Variants in NCKAP5 observed in about 807,000 individuals in gnomAD.
NCKAP5 encodes NCK associated protein 5, also known as nck-associated protein 5.
A neutral mutation model predicts 167.0 loss-of-function variants in NCKAP5; 92 were observed. The ratio of observed to expected loss-of-function variants is 0.55; its 90% confidence interval spans 0.47 to 0.66. The LOEUF (loss-of-function observed/expected upper bound fraction) is 0.66. NCKAP5 is among the 30% of genes least tolerant of loss of function. The pLI, the probability that NCKAP5 is intolerant of heterozygous loss-of-function variation, is 0.00. For synonymous variants in NCKAP5, 891 were observed against 877.4 expected, an observed-to-expected ratio of 1.02 and a Z score of -0.27; for missense variants, 2,378 against 2,315.0, an observed-to-expected ratio of 1.03 and a Z score of -0.56.
chr2:132,747,414 T>G (rs2104761094), intron 16 of NCKAP5, among the ~76,000 whole-genome samples: 2 of 152,308 alleles, frequency 1.3e-5, no homozygotes, highest in South Asian at 4.1e-4. Flanking sequence ...CTTTATCTTT[T>G]CAATAATCGT....
At chr2:132,972,862 CA>C (rs1287407851) in intron 7 of NCKAP5, among the ~76,000 whole-genome samples, 4,514 of 92,800 alleles carry the variant, frequency 0.049, 167 homozygotes, top group African/African-American at 0.14. Context: ...ACTCCATCTC[CA>C]AAAAAAAAAA....
At chr2:133,614,299 G>A in the NCKAP5 span, among the ~76,000 whole-genome samples, 2 of 147,212 alleles carry the variant, frequency 1.4e-5, no homozygotes, top group African/African-American at 4.9e-5. Context: ...GCTGGACGGA[G>A]AATGACTTTG....
At chr2:133,514,651 C>A (rs1683829255) in intron 3 of NCKAP5, among the ~76,000 whole-genome samples, 1 of 151,982 alleles carries the variant, frequency 6.6e-6, no homozygotes. Context: ...GGCCCCCTAA[C>A]TCTCAAAAAT....
At chr2:132,870,649 C>T (rs560342464) in intron 9 of NCKAP5, among the ~76,000 whole-genome samples, 1 of 151,326 alleles carries the variant, frequency 6.6e-6, no homozygotes, top group Admixed American at 6.6e-5. Flanking sequence ...CTGAGGGACA[C>T]TTTTGTGTTA....
chr2:133,000,852 T>G (rs1010850360), intron 6 of NCKAP5, among the ~76,000 whole-genome samples: 1 of 152,162 alleles, frequency 6.6e-6, no homozygotes, highest in Non-Finnish European at 1.5e-5. Context: ...TCACAAACTA[T>G]GCTAAGTTAA....
At chr2:132,837,976 T>A (rs1688019965) in intron 11 of NCKAP5, among the ~76,000 whole-genome samples, 1 of 152,170 alleles carries the variant, frequency 6.6e-6, no homozygotes, top group South Asian at 2.1e-4. Context: ...AGGGGCCCCC[T>A]ACAGGGCAGC....
chr2:132,680,887 C>A (rs1685134455), intron 19 of NCKAP5, among the ~76,000 whole-genome samples: 1 of 152,112 alleles, frequency 6.6e-6, no homozygotes, highest in Admixed American at 6.5e-5. Flanking sequence ...TTTCCAATGC[C>A]CATTTGAAAA....
chr2:133,119,813 G>A (rs1262780501), intron 6 of NCKAP5, among the ~76,000 whole-genome samples: 2 of 151,580 alleles, frequency 1.3e-5, no homozygotes, highest in African/African-American at 4.8e-5. Context: ...TCATAAGCAA[G>A]TTACCTCATT....
intron 3 of NCKAP5, among the ~76,000 whole-genome samples, chr2:133,332,376 C>T (rs1270725882): frequency 6.6e-6 from 1 of 152,128 alleles, no homozygotes; most frequent in Non-Finnish European, 1.5e-5. Flanking sequence ...ATTAGGTTCA[C>T]TACCTCATTT....
chr2:132,794,317 A>T, intron 12 of NCKAP5, among the ~76,000 whole-genome samples: 1 of 52,402 alleles, frequency 1.9e-5, no homozygotes. Flanking sequence ...GGGTGGCGGG[A>T]AGAGAGAGAG....
intron 3 of NCKAP5, among the ~76,000 whole-genome samples, chr2:133,310,678 C>A (rs771109314): frequency 6.6e-6 from 1 of 152,296 alleles, no homozygotes; most frequent in East Asian, 1.9e-4. Flanking sequence ...CATACTCTTT[C>A]GAGTAGGCCA....
At chr2:133,210,982 C>A (rs1468246054) in intron 5 of NCKAP5, among the ~76,000 whole-genome samples, 5 of 149,284 alleles carry the variant, frequency 3.3e-5, no homozygotes, top group Admixed American at 2.7e-4. Flanking sequence ...TGCACCCATT[C>A]CCCCAACCCT....
the NCKAP5 span, among the ~76,000 whole-genome samples, chr2:133,632,515 T>C: frequency 6.6e-6 from 1 of 152,230 alleles, no homozygotes; most frequent in Non-Finnish European, 1.5e-5. Context: ...TTTTATACTT[T>C]CCACATTTTT....
chr2:132,916,598 T>C (rs768364249), intron 8 of NCKAP5, among the ~76,000 whole-genome samples: 8 of 152,106 alleles, frequency 5.3e-5, no homozygotes, highest in Admixed American at 1.3e-4. Flanking sequence ...AATTCTGTGG[T>C]TTTCCATCTT....
At chr2:132,943,698 T>A (rs1391133583) in intron 8 of NCKAP5, among the ~76,000 whole-genome samples, 2 of 152,164 alleles carry the variant, frequency 1.3e-5, no homozygotes, top group African/African-American at 4.8e-5. Flanking sequence ...AGCACAGATG[T>A]TGCCAACAGC....
intron 5 of NCKAP5, among the ~76,000 whole-genome samples, chr2:133,137,490 C>T (rs1342509063): frequency 1.4e-5 from 2 of 145,696 alleles, no homozygotes; most frequent in African/African-American, 2.6e-5. Flanking sequence ...TAAATAAATA[C>T]AGAAGAGGAG....
chr2:133,249,278 G>C (rs1346765060), intron 4 of NCKAP5, among the ~76,000 whole-genome samples: 1 of 152,116 alleles, frequency 6.6e-6, no homozygotes, highest in Non-Finnish European at 1.5e-5. Context: ...AAAGGAACTC[G>C]AAAGAGTCAA....
chr2:132,740,844 GACAA>G (rs1398347735), intron 16 of NCKAP5, among the ~76,000 whole-genome samples: 2 of 151,326 alleles, frequency 1.3e-5, no homozygotes, highest in African/African-American at 2.4e-5. Context: ...AAATTAATAT[GACAA>G]ACAATTAAAA....
intron 19 of NCKAP5, among the ~76,000 whole-genome samples, chr2:132,705,393 C>G (rs1688266893): frequency 6.6e-6 from 1 of 152,152 alleles, no homozygotes. Context: ...CCTCTCCAAT[C>G]AGACTACCCC....
Sources: gnomAD v4.1 joint callset for allele counts (sites outside exome capture counted in the v4.1 genomes callset) on GRCh38, gnomAD v4.1.1 for gene constraint, MANE v1.5 for transcripts, NCBI Gene and HGNC (gene_info 2026-07-23, HGNC 2026-07-21) for gene names.